LPAR6: variants seen among roughly 807,000 people sequenced by gnomAD.
LPAR6 encodes the protein G-protein coupled purinergic receptor P2Y5.
LPAR6 carries 17 observed loss-of-function variants against 22.0 expected under a neutral mutation model. The ratio of observed to expected loss-of-function variants is 0.77; its 90% CI spans 0.53 to 1.16. The LOEUF (loss-of-function observed/expected upper bound fraction) is 1.16. Among genes scored for constraint, LPAR6 ranks in the 50% most tolerant of loss-of-function variants. The pLI is 0.00. For synonymous variants in LPAR6, 136 were observed against 139.8 expected, an observed-to-expected ratio of 0.97 and a Z score of 0.19; for missense variants, 384 against 406.9, an observed-to-expected ratio of 0.94 and a Z score of 0.48.
At chr13:48,441,600 A>C (rs1482009972) in intron 1 of LPAR6, among the ~76,000 whole-genome samples, 1 of 152,144 alleles carries the variant, frequency 6.6e-6, no homozygotes, top group Non-Finnish European at 1.5e-5. Context: ...AAACCCAAAA[A>C]ACCAATACAA....
chr13:48,413,286 C>T (rs1948850150), upstream of LPAR6, among the ~76,000 whole-genome samples: 1 of 152,162 alleles, frequency 6.6e-6, no homozygotes, highest in Non-Finnish European at 1.5e-5. Context: ...TGTTGAACTG[C>T]GTGGTCTGCT....
chr13:48,424,476 G>A (rs186816819), intron 1 of LPAR6, among the ~76,000 whole-genome samples: 1 of 152,322 alleles, frequency 6.6e-6, no homozygotes, highest in Admixed American at 6.5e-5. Context: ...GGGAATGATG[G>A]TTGAAGCAGG....
downstream of LPAR6, among the ~76,000 whole-genome samples, chr13:48,409,140 T>C (rs546678414): frequency 3.4e-4 from 52 of 151,620 alleles, 2 homozygotes; most frequent in South Asian, 0.01. Context: ...TTGGGTTTTT[T>C]TTCTTTTCTC....
chr13:48,433,575 A>G (rs1391165838), intron 1 of LPAR6, among the ~76,000 whole-genome samples: 2 of 152,170 alleles, frequency 1.3e-5, no homozygotes, highest in East Asian at 1.9e-4. Context: ...ACTGTATTTA[A>G]ATGAAACCAT....
intron 1 of LPAR6, among the ~76,000 whole-genome samples, chr13:48,401,652 G>T (rs198613): frequency 0.89 from 135,740 of 152,176 alleles, 62,018 homozygotes; most frequent in East Asian, 1. Context: ...ACTTAATTGG[G>T]TCTTCATATT....
intron 2 of LPAR6, among the ~76,000 whole-genome samples, chr13:48,419,663 GAGA>G (rs1375398364): frequency 6.6e-6 from 1 of 152,238 alleles, no homozygotes; most frequent in African/African-American, 2.4e-5. Context: ...GAAGAAAAGA[GAGA>G]AGAATCAAAT....
upstream of LPAR6, among the ~76,000 whole-genome samples, chr13:48,427,239 C>T (rs1187496668): frequency 1.4e-4 from 10 of 69,148 alleles, no homozygotes; most frequent in African/African-American, 4.8e-4. Flanking sequence ...CCAAACCTCA[C>T]CTCCAGCATT....
At chr13:48,393,475 G>T (rs1241745837) in intron 1 of LPAR6, among the ~76,000 whole-genome samples, 1 of 152,080 alleles carries the variant, frequency 6.6e-6, no homozygotes, top group Non-Finnish European at 1.5e-5. Context: ...GTTCTGTACT[G>T]CCTGTTGTTT....
intron 1 of LPAR6, among the ~76,000 whole-genome samples, chr13:48,438,557 T>G (rs1407515956): frequency 2.0e-5 from 3 of 146,890 alleles, no homozygotes; most frequent in East Asian, 3.9e-4. Flanking sequence ...TACTTATCTG[T>G]TTTTTTTTTC....
At chr13:48,389,678 G>T (rs1948597136) in exon 2 of LPAR6, 2 of 152,152 alleles carry the variant, frequency 1.3e-5, no homozygotes, top group Non-Finnish European at 2.9e-5. Context: ...GGTGCCTGGA[G>T]CTATAGGGTC....
At position 48,390,499 on chromosome 13, in the gene LPAR6, G is replaced by T. The variant is rs148999010; in HGVS notation, n.115-687C>A. ...ACTGAAATAAAGACTAATGTCTTCA[G>T]TGCTTGAGGGGAGTAACCAGGAGAC... On this transcript the variant is annotated intron_variant and non_coding_transcript_variant, in intron 1 of 1. Transcript: ENST00000462781. Among the ~76,000 whole-genome samples the T allele has an allele frequency of 2.6e-3, 393 of 152,246 alleles. 1 individual carries two copies. The highest frequency in any genetic ancestry group is 9.0e-3 in the African/African-American group (374 of 41,554).
upstream of LPAR6, among the ~76,000 whole-genome samples, chr13:48,418,044 C>T (rs148041322): frequency 8.5e-3 from 1,294 of 152,224 alleles, 16 homozygotes; most frequent in African/African-American, 0.03. Flanking sequence ...CACAAAGATA[C>T]TCCTCAAGAA....
chr13:48,415,168 A>T (rs139142140), upstream of LPAR6, among the ~76,000 whole-genome samples: 70 of 152,300 alleles, frequency 4.6e-4, 1 homozygote, highest in East Asian at 0.01. Context: ...TCTCATTCAA[A>T]TAATTAAAAT....
Position 48,412,432 on chromosome 13 carries a change from C to T in LPAR6, c.-9G>A. 6.2e-7 allele frequency: 1 copy of T among 1,608,110 alleles called. No individual in the cohort carries two copies. The highest frequency in any genetic ancestry group is 8.5e-7 in the Non-Finnish European group (1 of 1,174,600). The stretch of plus-strand genomic sequence containing the variant: ...CTGTTAACGCTTACCATCGTAAAGG[C>T]ACGTCCAATTTTCAGTTTGGAAGCA... On this transcript the variant is annotated 5_prime_UTR_variant, in exon 1 of 1. Transcript: ENST00000620633.
upstream of LPAR6, among the ~76,000 whole-genome samples, chr13:48,415,382 C>T (rs1191941613): frequency 1.3e-5 from 2 of 151,714 alleles, no homozygotes; most frequent in East Asian, 1.9e-4. Flanking sequence ...CAGGTTCCAG[C>T]AATTTTCCCA....
intron 1 of LPAR6, among the ~76,000 whole-genome samples, chr13:48,400,186 T>C (rs762405976): frequency 1.3e-5 from 2 of 152,156 alleles, no homozygotes; most frequent in Admixed American, 6.6e-5. Flanking sequence ...CTCATTTATG[T>C]GTGTGACATT....
upstream of LPAR6, chr13:48,416,431 A>C (rs1050055066): frequency 6.6e-6 from 1 of 152,308 alleles, no homozygotes; most frequent in Non-Finnish European, 1.5e-5. Flanking sequence ...TGATCTTCAC[A>C]ACCCTTAGAC....
chr13:48,412,149 G>A lies in LPAR6; in HGVS notation c.275C>T (p.Ser92Phe). 6.2e-7 allele frequency: 1 copy of A among 1,613,912 alleles called. No homozygotes were observed. The highest frequency in any genetic ancestry group is 1.1e-5 in the South Asian group (1 of 91,074). The change falls in exon 1 of 1, where the codon TCT becomes TTT. Residue 92 changes from serine (S) to phenylalanine (F), a missense_variant. Ser to Phe is a radical substitution (Grantham distance 155). Coordinates refer to ENST00000620633, the MANE Select transcript of LPAR6 (RefSeq NM_001162498.3). ...WPFGDLLCKI[S>F]VMLFYTNMYG... is the part of the protein sequence containing the mutation. ...CATGTTGGTATAAAACAGCATCACAGAAATCTTACAAAGTAAATCTCCAAA... is the reference window on the plus strand; with the variant it reads ...CATGTTGGTATAAAACAGCATCACAAAAATCTTACAAAGTAAATCTCCAAA...
At chr13:48,410,545 C>T (rs893393441), downstream of LPAR6, among the ~76,000 whole-genome samples, 1 of 152,130 alleles carries the variant, frequency 6.6e-6, no homozygotes, top group East Asian at 1.9e-4. Flanking sequence ...TTTCTCCGAC[C>T]TAACATACTT....
Sources: gnomAD v4.1 joint callset for allele counts (sites outside exome capture counted in the v4.1 genomes callset) on GRCh38, gnomAD v4.1.1 for gene constraint, MANE v1.5 for transcripts, NCBI Gene and HGNC (gene_info 2026-07-23, HGNC 2026-07-21) for gene names.